The following STARD13 variants were observed in gnomAD, a reference collection of about 807,000 sequenced individuals.
STARD13 encodes StAR related lipid transfer domain containing 13, also known as stAR-related lipid transfer protein 13.
In STARD13, 62 loss-of-function variants were observed where a neutral mutation model predicts 106.4. That is an observed-to-expected ratio of 0.58 (90% CI 0.48 to 0.72). STARD13 has a LOEUF of 0.72. Among genes scored for constraint, STARD13 ranks in the 30% least tolerant of loss-of-function variants. The pLI is 0.00. For missense variants in STARD13, 1,387 were observed against 1,424.0 expected (o/e 0.97, Z 0.42); for synonymous variants, 565 against 553.0 (o/e 1.02, Z -0.31).
the STARD13 span, among the ~76,000 whole-genome samples, chr13:33,439,464 G>T: frequency 1.3e-5 from 2 of 152,220 alleles, no homozygotes; most frequent in African/African-American, 4.8e-5. Flanking sequence ...TTACAAAATG[G>T]AGATAAACTC....
the STARD13 span, among the ~76,000 whole-genome samples, chr13:33,615,235 G>A: frequency 6.6e-6 from 1 of 152,030 alleles, no homozygotes; most frequent in Non-Finnish European, 1.5e-5. Flanking sequence ...AGAGATGGGG[G>A]GACTTGAGGG....
intron 1 of STARD13, among the ~76,000 whole-genome samples, chr13:33,255,849 A>T (rs567963164): frequency 6.6e-6 from 1 of 152,162 alleles, no homozygotes; most frequent in Non-Finnish European, 1.5e-5. Flanking sequence ...AGGAGCTAAC[A>T]CTAATTACTG....
At chr13:33,407,405 G>T in the STARD13 span, among the ~76,000 whole-genome samples, 7 of 152,260 alleles carry the variant, frequency 4.6e-5, no homozygotes, top group South Asian at 1.2e-3. Flanking sequence ...GTACCACAAG[G>T]GTAGAATACC....
chr13:33,273,886 T>C (rs1395439631), intron 1 of STARD13: 2 of 152,162 alleles, frequency 1.3e-5, no homozygotes, highest in African/African-American at 4.8e-5. Flanking sequence ...TTGAGAGAGT[T>C]GAAATTTTTT....
intron 1 of STARD13, among the ~76,000 whole-genome samples, chr13:33,330,357 C>T (rs1198561332): frequency 6.6e-6 from 1 of 152,136 alleles, no homozygotes; most frequent in East Asian, 1.9e-4. Context: ...ATGTGGAGCA[C>T]CTTTTCACAT....
chr13:33,372,420 G>C, the STARD13 span, among the ~76,000 whole-genome samples: 1 of 151,832 alleles, frequency 6.6e-6, no homozygotes, highest in African/African-American at 2.4e-5. Context: ...AATACTAAGT[G>C]ATCGACTCAT....
the STARD13 span, among the ~76,000 whole-genome samples, chr13:33,661,943 T>C: frequency 6.6e-6 from 1 of 151,736 alleles, no homozygotes; most frequent in African/African-American, 2.4e-5. Context: ...AATATACATA[T>C]AGGTTCACAA....
chr13:33,475,705 C>T, the STARD13 span, among the ~76,000 whole-genome samples: 59 of 152,112 alleles, frequency 3.9e-4, 1 homozygote, highest in Non-Finnish European at 8.8e-5. Flanking sequence ...CGCCTGTAAT[C>T]CCAGCACTTT....
At position 33,130,561 on chromosome 13, in the gene STARD13, T is replaced by G. The variant is rs1878142519; in HGVS notation, c.388-272A>C. Among the ~76,000 whole-genome samples, 1 of 152,192 alleles carries G rather than the reference T, an allele frequency of 6.6e-6. No homozygotes were observed. The highest frequency in any genetic ancestry group is 1.5e-5 in the Non-Finnish European group (1 of 68,038). ...AAGAGGTTTTGAATGCCTCCTTCCT[T>G]CCTCTCTAAGAAGTTTTCCCTGACT... On this transcript the variant is annotated intron_variant, in intron 4 of 13. Coordinates refer to ENST00000336934, the MANE Select transcript of STARD13 (RefSeq NM_178006.4). The surrounding 1 kb of genome is among the most constrained non-coding windows in gnomAD (Gnocchi z 4.1).
chr13:33,623,701 C>A, the STARD13 span, among the ~76,000 whole-genome samples: 5 of 151,526 alleles, frequency 3.3e-5, no homozygotes, highest in Non-Finnish European at 7.4e-5. Context: ...TTATTTACAT[C>A]TACATCTACA....
the STARD13 span, among the ~76,000 whole-genome samples, chr13:33,545,057 T>G: frequency 6.6e-6 from 1 of 152,000 alleles, no homozygotes; most frequent in Non-Finnish European, 1.5e-5. Flanking sequence ...CAGGTTCAAG[T>G]GAGTCTTCTG....
the STARD13 span, among the ~76,000 whole-genome samples, chr13:33,500,158 GT>G: frequency 6.6e-6 from 1 of 152,206 alleles, no homozygotes; most frequent in South Asian, 2.1e-4. Context: ...CACATTGTGG[GT>G]TGGAGCTTCA....
At chr13:33,339,650 C>T (rs971569567) in intron 1 of STARD13, among the ~76,000 whole-genome samples, 23 of 152,200 alleles carry the variant, frequency 1.5e-4, no homozygotes, top group African/African-American at 5.5e-4. Context: ...AGCACAAAGC[C>T]TCTCTTCTTT....
At chr13:33,603,227 A>G in the STARD13 span, among the ~76,000 whole-genome samples, 1 of 152,168 alleles carries the variant, frequency 6.6e-6, no homozygotes, top group Non-Finnish European at 1.5e-5. Context: ...TCCCTGCTAT[A>G]TAAACCCCAA....
chr13:33,433,666 C>G, the STARD13 span, among the ~76,000 whole-genome samples: 4 of 152,186 alleles, frequency 2.6e-5, no homozygotes, highest in Non-Finnish European at 4.4e-5. Flanking sequence ...CTCTTGTGAA[C>G]ACTGAGTATT....
chr13:33,602,217 G>A, the STARD13 span, among the ~76,000 whole-genome samples: 4 of 151,358 alleles, frequency 2.6e-5, no homozygotes, highest in East Asian at 2.0e-4. Flanking sequence ...TCAGCCTCCC[G>A]AATAGCTGGG....
the STARD13 span, among the ~76,000 whole-genome samples, chr13:33,627,961 T>C: frequency 3.4e-5 from 5 of 148,586 alleles, no homozygotes; most frequent in South Asian, 4.1e-4. Flanking sequence ...TATTTCTTTT[T>C]TTTCTTTCTT....
intron 1 of STARD13, among the ~76,000 whole-genome samples, chr13:33,324,917 C>A (rs2077756336): frequency 6.6e-6 from 1 of 152,158 alleles, no homozygotes; most frequent in African/African-American, 2.4e-5. Context: ...GGTGCTGCTC[C>A]TCCAGACTGT....
At chr13:33,225,161 T>C (rs1052232410) in intron 1 of STARD13, among the ~76,000 whole-genome samples, 2 of 152,242 alleles carry the variant, frequency 1.3e-5, no homozygotes, top group African/African-American at 4.8e-5. Flanking sequence ...ACATTATGAA[T>C]ATCAGACACT....
Sources: allele counts gnomAD v4.1 joint callset (sites outside exome capture counted in the v4.1 genomes callset), GRCh38; gene constraint gnomAD v4.1.1; non-coding constraint Gnocchi (gnomAD v3.1); transcripts MANE v1.5; gene names NCBI Gene and HGNC (gene_info 2026-07-23, HGNC 2026-07-21).